CCDC7: variants seen among roughly 807,000 people sequenced by gnomAD.
The protein encoded by CCDC7 is coiled-coil domain containing 7.
In CCDC7, 183 loss-of-function variants were observed where a neutral mutation model predicts 196.9. The ratio of observed to expected loss-of-function variants is 0.93; its 90% CI spans 0.82 to 1.05. The LOEUF is 1.05. Among genes scored for constraint, CCDC7 ranks in the 50% least tolerant of loss-of-function variants. The pLI is 0.00. For missense variants in CCDC7, 1,540 were observed against 1,482.2 expected (o/e 1.04, Z -0.64); for synonymous variants, 525 against 484.6 (o/e 1.08, Z -1.10).
chr10:32,522,424 A>C (rs569542339), intron 11 of CCDC7, among the ~76,000 whole-genome samples: 2 of 151,974 alleles, frequency 1.3e-5, no homozygotes, highest in South Asian at 4.2e-4. Flanking sequence ...CTAGAAATTT[A>C]TTTCTTTTAG....
At chr10:32,465,841 A>C (rs549230251) in intron 5 of CCDC7, among the ~76,000 whole-genome samples, 1 of 152,184 alleles carries the variant, frequency 6.6e-6, no homozygotes, top group African/African-American at 2.4e-5. Flanking sequence ...TCCTAAACTC[A>C]TATCTCTTCT....
intron 29 of CCDC7, among the ~76,000 whole-genome samples, chr10:32,794,656 T>G (rs2083254378): frequency 6.6e-6 from 1 of 152,198 alleles, no homozygotes; most frequent in African/African-American, 2.4e-5. Flanking sequence ...TGGCTTTGAT[T>G]TGTATCTCTC....
At chr10:32,784,783 C>T (rs1188865035) in intron 29 of CCDC7, among the ~76,000 whole-genome samples, 1 of 151,948 alleles carries the variant, frequency 6.6e-6, no homozygotes, top group Non-Finnish European at 1.5e-5. Context: ...GAGTAGATCT[C>T]CCGAGGTCAG....
chr10:32,604,241 G>C (rs1272110565), intron 18 of CCDC7, among the ~76,000 whole-genome samples: 1 of 152,040 alleles, frequency 6.6e-6, no homozygotes, highest in East Asian at 1.9e-4. Context: ...AAAGTGAGTT[G>C]ACTGTAAGTG....
At chr10:32,712,230 C>A (rs910949871) in intron 25 of CCDC7, among the ~76,000 whole-genome samples, 3 of 152,184 alleles carry the variant, frequency 2.0e-5, no homozygotes, top group African/African-American at 7.2e-5. Context: ...GCTGTCTGAT[C>A]TCTGTGGCTT....
chr10:32,460,444 C>T (rs1045254162), intron 3 of CCDC7, among the ~76,000 whole-genome samples: 2 of 152,076 alleles, frequency 1.3e-5, no homozygotes, highest in African/African-American at 4.8e-5. Context: ...GCACTGTTCT[C>T]GTTAAACTAG....
intron 24 of CCDC7, among the ~76,000 whole-genome samples, chr10:32,697,241 G>A (rs944985360): frequency 6.6e-6 from 1 of 152,072 alleles, no homozygotes; most frequent in Non-Finnish European, 1.5e-5. Context: ...ACAGCTCCAG[G>A]CTACAGCTCC....
At chr10:32,584,186 A>G (rs1203103802) in intron 17 of CCDC7, 46 bp from the exon 19 acceptor site, 11 of 1,020,450 alleles carry the variant, frequency 1.1e-5, no homozygotes, top group South Asian at 3.8e-5. Context: ...ATATATATAT[A>G]TATGTATATA....
intron 18 of CCDC7, among the ~76,000 whole-genome samples, chr10:32,588,739 G>A (rs1200813817): frequency 6.6e-6 from 1 of 151,938 alleles, no homozygotes; most frequent in African/African-American, 2.4e-5. Context: ...ATCTTTAAAT[G>A]TTTTATAGAA....
chr10:32,573,068 G>A (rs191879119), intron 16 of CCDC7, among the ~76,000 whole-genome samples: 2 of 151,846 alleles, frequency 1.3e-5, no homozygotes, highest in Admixed American at 1.3e-4. Flanking sequence ...AGTAGAGACG[G>A]GGTTTCGCCA....
At chr10:32,822,081 T>TA (rs1434480010) in intron 31 of CCDC7, among the ~76,000 whole-genome samples, 1 of 152,078 alleles carries the variant, frequency 6.6e-6, no homozygotes, top group Non-Finnish European at 1.5e-5. Context: ...AATTACTAAA[T>TA]AAAAATTGAG....
chr10:32,472,597 T>C (rs2038174677), intron 7 of CCDC7, 55 bp downstream of exon 8: 6 of 1,419,906 alleles, frequency 4.2e-6, no homozygotes, highest in Middle Eastern at 5.1e-4. Context: ...AATTTTGTTA[T>C]TATTTTTATC....
At chr10:32,484,711 C>T (rs528493329) in intron 8 of CCDC7, among the ~76,000 whole-genome samples, 3 of 152,078 alleles carry the variant, frequency 2.0e-5, no homozygotes, top group Non-Finnish European at 4.4e-5. Context: ...GCATGAAGCG[C>T]TGTTGAATTT....
intron 36 of CCDC7, 120 bp downstream of exon 37, chr10:32,846,079 A>ATCTTT: frequency 1.3e-6 from 1 of 792,042 alleles, no homozygotes; most frequent in Non-Finnish European, 2.1e-6. Flanking sequence ...ATAGCAAAAG[A>ATCTTT]TGCTATTGGA....
rs72784011 is a variant in CCDC7, at chr10:32,833,764, C to G, written c.3269-1051C>G. The stretch of plus-strand genomic sequence containing the variant: ...TTGGAGATAATGCCCTAAATTGTTC[C>G]TATTTCTATACAGATTGTAATGGTG... On this transcript the variant is annotated intron_variant, in intron 32 of 41. Transcript: ENST00000639629. Among the ~76,000 whole-genome samples the G allele has an allele frequency of 8.2e-3, 1,242 of 152,096 alleles. 16 individuals are homozygous for G. The highest frequency in any genetic ancestry group is 0.014 in the Non-Finnish European group (959 of 67,994).
chr10:32,696,614 G>C (rs1440278097), intron 24 of CCDC7, among the ~76,000 whole-genome samples: 2 of 152,124 alleles, frequency 1.3e-5, no homozygotes, highest in African/African-American at 4.8e-5. Context: ...GAACCTAGGA[G>C]GCTGCCATTG....
intron 11 of CCDC7, among the ~76,000 whole-genome samples, chr10:32,542,679 C>G (rs149046496): frequency 6.6e-6 from 1 of 150,384 alleles, no homozygotes; most frequent in Non-Finnish European, 1.5e-5. Context: ...CTCCATCTAC[C>G]TTGGTTCACC....
In CCDC7 at chr10:32,882,681, A is replaced by G. The variant is rs947345344; in HGVS notation, c.*2358-12A>G. On this transcript the variant is annotated splice_polypyrimidine_tract_variant and intron_variant and NMD_transcript_variant, in intron 22 of 22. Transcript: ENST00000375025. ...ATAAAAAAATTATAATTACTTGTTG[A>G]TTTATTTTCAGAATGTGTCTTTACC... The G allele has an allele frequency of 1.3e-5, 2 of 152,152 alleles. No homozygotes were observed. Among genetic ancestry groups the G allele is most frequent in the South Asian group, 2.1e-4 (1 of 4,830 alleles). The allele number at this position is 152,152 out of a possible 1,614,324, so 9.4% of individuals were successfully genotyped here.
At chr10:32,468,380 C>T (rs1231347411) in intron 5 of CCDC7, among the ~76,000 whole-genome samples, 1 of 152,050 alleles carries the variant, frequency 6.6e-6, no homozygotes, top group Non-Finnish European at 1.5e-5. Flanking sequence ...TGGCTCTTGG[C>T]TCGACTGTTG....
Sources: gnomAD v4.1 joint callset for allele counts (sites outside exome capture counted in the v4.1 genomes callset) on GRCh38, gnomAD v4.1.1 for gene constraint, MANE v1.5 for transcripts, NCBI Gene and HGNC (gene_info 2026-07-23, HGNC 2026-07-21) for gene names.